The following NT5C2 variants were observed in gnomAD, a reference collection of about 807,000 sequenced individuals.
NT5C2 encodes the protein 5'-nucleotidase, cytosolic II.
In NT5C2, 58 loss-of-function variants were observed where a neutral mutation model predicts 76.1. That is an observed-to-expected ratio of 0.76 (90% CI 0.62 to 0.95). The LOEUF is 0.95. Among genes scored for constraint, NT5C2 ranks in the 40% least tolerant of loss-of-function variants. The pLI, the probability that NT5C2 is intolerant of heterozygous loss-of-function variation, is 0.00. For missense variants in NT5C2, 478 were observed against 690.3 expected (o/e 0.69, Z 3.45); for synonymous variants, 229 against 237.4 (o/e 0.96, Z 0.32).
chr10:103,100,047 G>C (rs2069173764), intron 8 of NT5C2, 28 bp from the exon 9 acceptor site: 2 of 1,484,170 alleles, frequency 1.3e-6, no homozygotes, highest in Non-Finnish European at 1.9e-6. Context: ...TAACATGACA[G>C]GGGATCCAAA....
At chr10:103,137,231 C>T (rs2079464561) in intron 4 of NT5C2, among the ~76,000 whole-genome samples, 1 of 151,938 alleles carries the variant, frequency 6.6e-6, no homozygotes, top group Non-Finnish European at 1.5e-5. Context: ...GATTTTCTTC[C>T]CATTTGAACA....
At position 103,183,250 on chromosome 10, in the gene NT5C2, ATGTGTGTGTG is replaced by A. The variant is rs1286493976; in HGVS notation, c.-168-1932_-168-1923del. Among the ~76,000 whole-genome samples, 4 of 100,958 alleles carry A rather than the reference ATGTGTGTGTG, an allele frequency of 4.0e-5. No individual in the cohort carries two copies. The Admixed American group carries it at 4.5e-4, about 11-fold the overall frequency. The allele number at this position is 100,958 out of a possible 152,430, so 66.2% of individuals were successfully genotyped here. Reference sequence around the variant, plus strand: ...AACACATGAAAGGAGATATATATATATGTGTGTGTGTGATATATATATATATATATATATA... The same window carrying A: ...AACACATGAAAGGAGATATATATATATGATATATATATATATATATATATA... On this transcript the variant is annotated intron_variant, in intron 1 of 18. Coordinates refer to ENST00000404739, the MANE Select transcript of NT5C2 (RefSeq NM_001351169.2).
intron 1 of NT5C2, among the ~76,000 whole-genome samples, chr10:103,182,482 A>G (rs1422899523): frequency 6.6e-6 from 1 of 152,020 alleles, no homozygotes; most frequent in Admixed American, 6.6e-5. Flanking sequence ...TAAAAATATA[A>G]AAAGTAGCCA....
intron 3 of NT5C2, among the ~76,000 whole-genome samples, chr10:103,149,527 A>G (rs1222703885): frequency 1.3e-5 from 2 of 152,190 alleles, no homozygotes; most frequent in African/African-American, 2.4e-5. Context: ...TTCTAAGAAT[A>G]TATTTACTAT....
chr10:103,183,277 A>ATTATATATATATATATAT lies in NT5C2; in HGVS notation c.-168-1950_-168-1949insATATATATATATATATAA, dbSNP rs1439401303. Among the ~76,000 whole-genome samples the ATTATATATATATATATAT allele has an allele frequency of 1.8e-3, 229 of 125,898 alleles. 5 individuals are homozygous for ATTATATATATATATATAT. The highest frequency in any genetic ancestry group is 5.8e-3 in the African/African-American group (201 of 34,728). 82.6% of individuals were successfully genotyped at this position (125,898 alleles called of 152,430 possible). A position where few individuals can be genotyped will look rare whatever the true frequency, so the allele number is the denominator to read the frequency against. ...GTGTGTGTGTGATATATATATATAT[A>ATTATATATATATATATAT]TATATATATATATATATCACACACT... On this transcript the variant is annotated intron_variant, in intron 1 of 18. Coordinates refer to ENST00000404739, the MANE Select transcript of NT5C2 (RefSeq NM_001351169.2).
chr10:103,131,054 T>C (rs553831231), intron 4 of NT5C2, among the ~76,000 whole-genome samples: 2 of 152,262 alleles, frequency 1.3e-5, no homozygotes, highest in African/African-American at 2.4e-5. Context: ...AGAACAAATT[T>C]AGGCAAATTT....
At chr10:103,156,361 T>C (rs1004777177) in intron 3 of NT5C2, among the ~76,000 whole-genome samples, 9 of 152,208 alleles carry the variant, frequency 5.9e-5, no homozygotes, top group African/African-American at 2.2e-4. Flanking sequence ...AATTTGAGCA[T>C]GGTGACTATA....
intron 3 of NT5C2, among the ~76,000 whole-genome samples, chr10:103,166,576 A>AT (rs1285181610): frequency 6.6e-6 from 1 of 152,232 alleles, no homozygotes; most frequent in Non-Finnish European, 1.5e-5. Flanking sequence ...CCTTAGGAAG[A>AT]TGAAACATGA....
At chr10:103,111,709 GC>G (rs2073077823) in intron 4 of NT5C2, 1 of 1,216,330 alleles carries the variant, frequency 8.2e-7, no homozygotes, top group African/African-American at 1.6e-5. Context: ...AGAGGTTCCA[GC>G]CTAGCAGAGT....
chr10:103,139,627 CACG>C (rs2079995125), intron 3 of NT5C2, 148 bp from the exon 4 acceptor site: 3 of 578,188 alleles, frequency 5.2e-6, no homozygotes, highest in Non-Finnish European at 9.0e-6. Flanking sequence ...AGATGTATAA[CACG>C]ACATGCTGTT....
chr10:103,165,490 T>C (rs961183338), intron 3 of NT5C2, among the ~76,000 whole-genome samples: 2 of 144,818 alleles, frequency 1.4e-5, no homozygotes, highest in East Asian at 2.2e-4. Flanking sequence ...CAAAACTCCA[T>C]CTCAAAAAAA....
intron 3 of NT5C2, among the ~76,000 whole-genome samples, chr10:103,163,202 G>C (rs2085369653): frequency 6.6e-6 from 1 of 152,104 alleles, no homozygotes; most frequent in Non-Finnish European, 1.5e-5. Context: ...AAGAACATTT[G>C]GGCTGCCTTC....
intron 4 of NT5C2, among the ~76,000 whole-genome samples, chr10:103,135,584 G>A (rs2079030477): frequency 6.6e-6 from 1 of 151,516 alleles, no homozygotes; most frequent in African/African-American, 2.4e-5. Flanking sequence ...AGACCAGCCT[G>A]GCCAACATAA....
intron 9 of NT5C2, 144 bp downstream of exon 9, chr10:103,099,782 T>A: frequency 1.8e-6 from 1 of 540,886 alleles, no homozygotes; most frequent in African/African-American, 1.9e-5. Flanking sequence ...AACAAATGTA[T>A]TCTAGAGGGC....
At chr10:103,173,960 G>A (rs1321090718) in intron 3 of NT5C2, among the ~76,000 whole-genome samples, 1 of 151,960 alleles carries the variant, frequency 6.6e-6, no homozygotes, top group Non-Finnish European at 1.5e-5. Flanking sequence ...GCCAGCCGTG[G>A]TGACGCACGC....
chr10:103,091,449 G>A (rs192625966), intron 16 of NT5C2, 115 bp downstream of exon 16: 8 of 787,730 alleles, frequency 1.0e-5, no homozygotes, highest in East Asian at 2.6e-5. Context: ...CGGTTCAAAC[G>A]ATTCTCCTGC....
intron 3 of NT5C2, among the ~76,000 whole-genome samples, chr10:103,155,297 T>C (rs2083144860): frequency 6.6e-6 from 1 of 151,758 alleles, no homozygotes; most frequent in Admixed American, 6.5e-5. Flanking sequence ...GATGAGATAC[T>C]GTTTTTTAAA....
chr10:103,142,450 C>T (rs974915141), intron 3 of NT5C2, among the ~76,000 whole-genome samples: 1 of 151,780 alleles, frequency 6.6e-6, no homozygotes, highest in Non-Finnish European at 1.5e-5. Flanking sequence ...GCAGGCAGAT[C>T]GCTTGAGCAC....
intron 1 of NT5C2, among the ~76,000 whole-genome samples, chr10:103,192,974 G>A (rs1170758121): frequency 2.0e-5 from 3 of 152,106 alleles, no homozygotes; most frequent in African/African-American, 4.8e-5. Flanking sequence ...GTGGGCCGGA[G>A]GCGTCGCGGC....
Sources: allele counts gnomAD v4.1 joint callset (sites outside exome capture counted in the v4.1 genomes callset), GRCh38; gene constraint gnomAD v4.1.1; transcripts MANE v1.5; gene names NCBI Gene and HGNC (gene_info 2026-07-23, HGNC 2026-07-21).